The following POLA1 variants were observed in gnomAD, a reference collection of about 807,000 sequenced individuals.
The protein encoded by POLA1 is DNA polymerase alpha catalytic subunit.
Under a neutral mutation model 124.0 loss-of-function variants are expected in POLA1, and 15 were observed. The ratio of observed to expected loss-of-function variants is 0.12; its 90% CI spans 0.08 to 0.19. The LOEUF (loss-of-function observed/expected upper bound fraction) is 0.19, where lower values mean the gene tolerates loss of function less well. Among genes scored for constraint, POLA1 ranks in the 10% least tolerant of loss-of-function variants. POLA1 has a pLI of 1.00. For missense variants in POLA1, 886 were observed against 1,103.4 expected (o/e 0.80, Z 2.79); for synonymous variants, 408 against 389.4 (o/e 1.05, Z -0.56).
intron 26 of POLA1, among the ~76,000 whole-genome samples, chrX:24,806,260 T>G (rs2045799378): frequency 9.3e-6 from 1 of 107,932 alleles, no homozygotes; most frequent in African/African-American, 3.4e-5. Context: ...TCACTTAGCA[T>G]TCTATAAATA....
intron 25 of POLA1, 83 bp from the exon 26 acceptor site, chrX:24,748,787 T>C (rs922430528): frequency 1.2e-5 from 12 of 985,770 alleles, no homozygotes; most frequent in Middle Eastern, 2.6e-4. Context: ...TCCCTTTTTA[T>C]TGGAGATCTA....
At chrX:24,907,826 C>A (rs2047389657) in intron 35 of POLA1, among the ~76,000 whole-genome samples, 1 of 111,942 alleles carries the variant, frequency 8.9e-6, no homozygotes, top group South Asian at 3.7e-4. Flanking sequence ...CTATTTTTCT[C>A]CTCTTGAGTT....
intron 26 of POLA1, among the ~76,000 whole-genome samples, chrX:24,776,817 A>G (rs2045148031): frequency 1.8e-5 from 2 of 112,398 alleles, no homozygotes; most frequent in African/African-American, 6.5e-5. Context: ...AATGATAGCA[A>G]AACTTAACCA....
At chrX:24,967,221 G>GT (rs34398619) in intron 36 of POLA1, among the ~76,000 whole-genome samples, 3 of 98,228 alleles carry the variant, frequency 3.1e-5, no homozygotes, top group Admixed American at 1.1e-4. Flanking sequence ...ATTTTTAACT[G>GT]TTTTTTTTTT....
intron 34 of POLA1, among the ~76,000 whole-genome samples, chrX:24,879,057 G>C (rs2046971368): frequency 9.0e-6 from 1 of 111,439 alleles, no homozygotes; most frequent in Non-Finnish European, 1.9e-5. Context: ...TGTGCATATA[G>C]TGATGAAACC....
At chrX:24,806,899 G>A (rs183276597) in intron 26 of POLA1, among the ~76,000 whole-genome samples, 1,231 of 111,819 alleles carry the variant, frequency 0.011, 10 homozygotes, top group Non-Finnish European at 0.015. Context: ...GTAGTCATTA[G>A]AAAAGAATAA....
At position 24,735,506 on chromosome X, in the gene POLA1, C is replaced by T. The variant is rs770249616; in HGVS notation, c.1923+18C>T. 1 of 964,046 alleles carries T rather than the reference C, an allele frequency of 1.0e-6. No homozygotes were observed. The highest frequency in any genetic ancestry group is 2.2e-5 in the Admixed American group (1 of 45,401). The allele number at this position is 964,046 out of a possible 1,213,427, so 79.4% of individuals were successfully genotyped here. On this transcript the variant is annotated intron_variant, in intron 18 of 36. Coordinates refer to ENST00000379068, the MANE Select transcript of POLA1 (RefSeq NM_001330360.2). ...TCATTGTGGTGAGTAGATGTTTGAT[C>T]ATGTTGTGGGGAAGCTCTTCATTTC...
chrX:24,883,564 A>G (rs2047029504), intron 34 of POLA1, among the ~76,000 whole-genome samples: 1 of 112,219 alleles, frequency 8.9e-6, no homozygotes, highest in African/African-American at 3.2e-5. Context: ...TCAACATTTG[A>G]CACAATTTCA....
chrX:24,858,400 T>C (rs1228983933), intron 34 of POLA1, among the ~76,000 whole-genome samples: 1 of 111,982 alleles, frequency 8.9e-6, no homozygotes, highest in Non-Finnish European at 1.9e-5. Context: ...TTCCAAGCTT[T>C]TAAAGTAGTT....
rs11573419 is a variant in POLA1, at chrX:24,822,102, G to A, written c.3561+519G>A. Among the ~76,000 whole-genome samples the A allele has an allele frequency of 1.1e-3, 114 of 107,316 alleles. 1 individual carries two copies. In the East Asian group the frequency reaches 0.021, roughly 20 times the overall value. 93.2% of individuals were successfully genotyped at this position (107,316 alleles called of 115,157 possible). On this transcript the variant is annotated intron_variant, in intron 31 of 36. Coordinates refer to ENST00000379068, the MANE Select transcript of POLA1 (RefSeq NM_001330360.2). The stretch of plus-strand genomic sequence containing the variant: ...CCCACCTCCTTACCCTTCCTTCTCC[G>A]TTTCACAAGGTACCTCTAGGCCTTC...
In POLA1 at chrX:24,860,681, A is replaced by G. The variant is rs1175770641; in HGVS notation, c.4047+17004A>G. ...AGCAAAGGAGTGAACATGAGTTTAGATGGCTTTTCTTTTTGTCAGACCATC... is the reference window on the plus strand; with the variant it reads ...AGCAAAGGAGTGAACATGAGTTTAGGTGGCTTTTCTTTTTGTCAGACCATC... On this transcript the variant is annotated intron_variant, in intron 34 of 36. Coordinates refer to ENST00000379068, the MANE Select transcript of POLA1 (RefSeq NM_001330360.2). Among the ~76,000 whole-genome samples, 8 of 112,724 alleles carry G rather than the reference A, an allele frequency of 7.1e-5. No homozygotes were observed. In the Admixed American group the frequency reaches 7.5e-4, roughly 11 times the overall value.
chrX:24,743,810 T>C (rs1931823838), intron 23 of POLA1, among the ~76,000 whole-genome samples: 1 of 112,187 alleles, frequency 8.9e-6, no homozygotes, highest in Non-Finnish European at 1.9e-5. Context: ...TTAACTTTAA[T>C]AGGAGAATAT....
intron 26 of POLA1, chrX:24,788,514 T>A (rs2045416024): frequency 3.3e-6 from 4 of 1,197,455 alleles, no homozygotes; most frequent in Non-Finnish European, 4.5e-6. Context: ...ATTTGAAGTT[T>A]CTTAATTCCG....
intron 35 of POLA1, among the ~76,000 whole-genome samples, chrX:24,915,874 C>T (rs1282553497): frequency 8.9e-6 from 1 of 111,990 alleles, no homozygotes; most frequent in East Asian, 2.8e-4. Flanking sequence ...GATTATCTGT[C>T]TCAGAGTAAT....
At chrX:24,701,732 G>A (rs1318619204) in intron 2 of POLA1, among the ~76,000 whole-genome samples, 4 of 108,308 alleles carry the variant, frequency 3.7e-5, no homozygotes, top group Non-Finnish European at 3.8e-5. Context: ...CACCACACCC[G>A]GCTGAGGTAG....
intron 1 of POLA1, among the ~76,000 whole-genome samples, chrX:24,695,104 T>C (rs753559880): frequency 1.8e-5 from 2 of 111,839 alleles, no homozygotes. Flanking sequence ...ATCTTGAGAC[T>C]CCTCTTAGGT....
chrX:24,979,086 A>G (rs1052954558), intron 36 of POLA1, among the ~76,000 whole-genome samples: 2 of 112,324 alleles, frequency 1.8e-5, no homozygotes, highest in African/African-American at 6.5e-5. Flanking sequence ...TCCCTTTATT[A>G]GTGGTTAATA....
intron 15 of POLA1, 73 bp downstream of exon 15, chrX:24,728,009 T>A: frequency 1.2e-6 from 1 of 860,981 alleles, no homozygotes; most frequent in Non-Finnish European, 1.6e-6. Context: ...CAGCTTTGCT[T>A]TAAGAGAAAG....
At chrX:24,723,304 T>C (rs1280460400) in intron 11 of POLA1, 37 bp downstream of exon 11, 3 of 862,677 alleles carry the variant, frequency 3.5e-6, no homozygotes, top group Non-Finnish European at 5.2e-6. Flanking sequence ...TCTCAGTCGT[T>C]GTATCTGCCA....
Sources: gnomAD v4.1 joint callset for allele counts (sites outside exome capture counted in the v4.1 genomes callset) on GRCh38, gnomAD v4.1.1 for gene constraint, MANE v1.5 for transcripts, NCBI Gene and HGNC (gene_info 2026-07-23, HGNC 2026-07-21) for gene names.